Variants in IL23R observed in about 807,000 individuals in gnomAD.
The protein encoded by IL23R is interleukin-23 receptor.
Under a neutral mutation model 56.9 loss-of-function variants are expected in IL23R, and 34 were observed. The ratio of observed to expected loss-of-function variants is 0.60; its 90% confidence interval spans 0.45 to 0.80. The LOEUF (loss-of-function observed/expected upper bound fraction) is 0.80, where lower values mean the gene tolerates loss of function less well. Ranked by LOEUF, IL23R falls within the 30% of genes least tolerant of loss-of-function variation. The pLI is 0.00. For synonymous variants in IL23R, 230 were observed against 249.2 expected, an observed-to-expected ratio of 0.92 and a Z score of 0.73; for missense variants, 635 against 730.0, an observed-to-expected ratio of 0.87 and a Z score of 1.50.
intron 10 of IL23R, among the ~76,000 whole-genome samples, chr1:67,257,919 G>A (rs1653039156): frequency 6.6e-6 from 1 of 152,000 alleles, no homozygotes; most frequent in Non-Finnish European, 1.5e-5. Context: ...GGCCAGGCTG[G>A]TCTTGAACTC....
intron 5 of IL23R, among the ~76,000 whole-genome samples, chr1:67,205,903 C>CTT (rs1385544917): frequency 4.0e-5 from 5 of 123,490 alleles, no homozygotes; most frequent in East Asian, 4.8e-4. Context: ...TTCTTTCTTT[C>CTT]TTTCTTTCTT....
At chr1:67,225,112 C>T (rs1180466023) in intron 7 of IL23R, among the ~76,000 whole-genome samples, 6 of 152,118 alleles carry the variant, frequency 3.9e-5, no homozygotes, top group African/African-American at 9.7e-5. Context: ...GTCCTGCATC[C>T]GCCTGTGAAA....
intron 10 of IL23R, 99 bp from the exon 11 acceptor site, chr1:67,258,379 G>A (rs1419972411): frequency 3.5e-5 from 29 of 825,650 alleles, no homozygotes; most frequent in Middle Eastern, 3.4e-4. Context: ...GAGGGAGAAA[G>A]GAAAGTTGAA....
intron 2 of IL23R, among the ~76,000 whole-genome samples, chr1:67,169,132 C>T (rs1346290834): frequency 3.5e-5 from 3 of 84,860 alleles, no homozygotes; most frequent in Admixed American, 1.9e-4. Flanking sequence ...CAGAATGAGA[C>T]TGTCTCAAAA....
intron 1 of IL23R, among the ~76,000 whole-genome samples, chr1:67,139,644 TC>T (rs1337438174): frequency 6.6e-6 from 1 of 152,226 alleles, no homozygotes; most frequent in Non-Finnish European, 1.5e-5. Flanking sequence ...TGAATATTTG[TC>T]CCCTCCGAAA....
intron 4 of IL23R, among the ~76,000 whole-genome samples, chr1:67,195,195 G>A (rs1648043474): frequency 6.6e-6 from 1 of 152,026 alleles, no homozygotes; most frequent in Admixed American, 6.6e-5. Flanking sequence ...ACCACACCTG[G>A]CTAATTTTTG....
chr1:67,170,981 A>G (rs1384270038), intron 3 of IL23R, among the ~76,000 whole-genome samples: 1 of 152,234 alleles, frequency 6.6e-6, no homozygotes, highest in Non-Finnish European at 1.5e-5. Context: ...CAAAGAATAA[A>G]TCTACCTTAA....
In IL23R at chr1:67,259,131, C is replaced by T; in HGVS notation, c.*3C>T. The T allele has an allele frequency of 6.2e-7, 1 of 1,613,590 alleles. No individual in the cohort carries two copies. The highest frequency in any genetic ancestry group is 8.5e-7 in the Non-Finnish European group (1 of 1,179,750). ...GGATTTCACTCTTGGAAAAGTAGAG[C>T]TGTGTGGTCAAAATCAATATGAGAA... On this transcript the variant is annotated 3_prime_UTR_variant, in exon 11 of 11. Transcript: ENST00000347310.
chr1:67,218,628 T>A (rs557651111), intron 6 of IL23R, among the ~76,000 whole-genome samples: 1 of 150,834 alleles, frequency 6.6e-6, no homozygotes, highest in South Asian at 2.1e-4. Flanking sequence ...ATTAAGAATA[T>A]ATTCCAAAAT....
At chr1:67,170,318 G>A (rs956729156) in intron 3 of IL23R, among the ~76,000 whole-genome samples, 8 of 152,116 alleles carry the variant, frequency 5.3e-5, no homozygotes, top group African/African-American at 1.9e-4. Context: ...GCATCCTTTT[G>A]ATAAAACATA....
At chr1:67,150,537 T>C (rs1039439598) in intron 1 of IL23R, among the ~76,000 whole-genome samples, 3 of 151,846 alleles carry the variant, frequency 2.0e-5, no homozygotes, top group Admixed American at 6.6e-5. Context: ...TTTTCTGTTC[T>C]TGTGTTAGTT....
At chr1:67,214,752 A>C (rs1338292860) in intron 6 of IL23R, among the ~76,000 whole-genome samples, 1 of 152,204 alleles carries the variant, frequency 6.6e-6, no homozygotes, top group Non-Finnish European at 1.5e-5. Flanking sequence ...TTGAGGGAAG[A>C]GAGAGACCCT....
intron 1 of IL23R, among the ~76,000 whole-genome samples, chr1:67,149,244 C>T (rs74080017): frequency 1.3e-5 from 2 of 152,314 alleles, no homozygotes; most frequent in African/African-American, 4.8e-5. Context: ...GCATTGAGCA[C>T]TCTTTCTTGT....
downstream of IL23R, among the ~76,000 whole-genome samples, chr1:67,262,284 G>GC (rs1653221860): frequency 6.6e-6 from 1 of 152,088 alleles, no homozygotes; most frequent in Non-Finnish European, 1.5e-5. Flanking sequence ...ACAAGTCATT[G>GC]CCCCCAAGGA....
chr1:67,150,248 C>CTT (rs552806817), intron 1 of IL23R, among the ~76,000 whole-genome samples: 1,809 of 110,222 alleles, frequency 0.016, 33 homozygotes, highest in Non-Finnish European at 0.024. Context: ...GCATTTCGAA[C>CTT]TTTTTTTTTT....
At chr1:67,167,185 C>G (rs1646883282) in intron 1 of IL23R, among the ~76,000 whole-genome samples, 2 of 152,174 alleles carry the variant, frequency 1.3e-5, no homozygotes, top group African/African-American at 2.4e-5. Flanking sequence ...TCACTGCAAC[C>G]TTCACCTCCC....
chr1:67,148,889 G>A (rs1368293734), intron 1 of IL23R, among the ~76,000 whole-genome samples: 1 of 152,166 alleles, frequency 6.6e-6, no homozygotes, highest in Non-Finnish European at 1.5e-5. Context: ...GGGCCCAGGA[G>A]GAGTGAGATC....
chr1:67,161,847 C>T (rs1646823899), upstream of IL23R, among the ~76,000 whole-genome samples: 2 of 151,832 alleles, frequency 1.3e-5, no homozygotes, highest in Non-Finnish European at 2.9e-5. Flanking sequence ...AGGATGGTCT[C>T]GATTTCCTGA....
chr1:67,205,548 A>G (rs767034203), intron 5 of IL23R, among the ~76,000 whole-genome samples: 3 of 152,222 alleles, frequency 2.0e-5, no homozygotes, highest in African/African-American at 4.8e-5. Flanking sequence ...TTCTGTTCAG[A>G]CAAAACAAAC....
Sources: allele counts gnomAD v4.1 joint callset (sites outside exome capture counted in the v4.1 genomes callset), GRCh38; gene constraint gnomAD v4.1.1; transcripts MANE v1.5; gene names NCBI Gene and HGNC (gene_info 2026-07-23, HGNC 2026-07-21).